The following SLC26A7 variants were observed in gnomAD, a reference collection of about 807,000 sequenced individuals.
The protein encoded by SLC26A7 is anion exchange transporter.
A neutral mutation model predicts 82.5 loss-of-function variants in SLC26A7; 59 were observed. That is an observed-to-expected ratio of 0.72 (90% CI 0.58 to 0.89). The LOEUF (loss-of-function observed/expected upper bound fraction) is 0.89. Ranked by LOEUF, SLC26A7 falls within the 40% of genes least tolerant of loss-of-function variation. The pLI is 0.00. For missense variants in SLC26A7, 820 were observed against 793.0 expected (o/e 1.03, Z -0.41); for synonymous variants, 271 against 274.3 (o/e 0.99, Z 0.12).
At chr8:91,308,964 A>G (rs1029007918) in intron 4 of SLC26A7, among the ~76,000 whole-genome samples, 1 of 152,012 alleles carries the variant, frequency 6.6e-6, no homozygotes, top group Non-Finnish European at 1.5e-5. Context: ...AGAATCAGCC[A>G]TTTCTCTAAG....
chr8:91,380,471 A>G (rs1455987865), intron 15 of SLC26A7, among the ~76,000 whole-genome samples: 1 of 152,154 alleles, frequency 6.6e-6, no homozygotes, highest in Non-Finnish European at 1.5e-5. Context: ...GATGTGGACA[A>G]TCATCTCCGG....
At chr8:91,316,490 T>A (rs1184952469) in intron 4 of SLC26A7, among the ~76,000 whole-genome samples, 9 of 84,298 alleles carry the variant, frequency 1.1e-4, no homozygotes, top group Admixed American at 4.9e-4. Context: ...TTTTTTTTTT[T>A]AGGAGACATG....
chr8:91,224,838 G>A (rs914821156), intron 2 of SLC26A7, among the ~76,000 whole-genome samples: 1 of 152,336 alleles, frequency 6.6e-6, no homozygotes, highest in East Asian at 1.9e-4. Context: ...CTCCCGAGGA[G>A]CTCAGGCCCA....
chr8:91,253,152 T>G (rs1180268831), intron 2 of SLC26A7, among the ~76,000 whole-genome samples: 1 of 152,080 alleles, frequency 6.6e-6, no homozygotes, highest in Non-Finnish European at 1.5e-5. Context: ...AAAACTGAAG[T>G]TGGGAGAGGA....
At chr8:91,344,151 T>C (rs1193694209) in intron 9 of SLC26A7, 2 of 985,296 alleles carry the variant, frequency 2.0e-6, no homozygotes, top group African/African-American at 3.5e-5. Flanking sequence ...TAAATGAACT[T>C]GTTTAATCCT....
intron 7 of SLC26A7, among the ~76,000 whole-genome samples, chr8:91,340,136 G>A (rs1318725924): frequency 6.6e-6 from 1 of 152,168 alleles, no homozygotes; most frequent in Non-Finnish European, 1.5e-5. Flanking sequence ...TGTCGAGTCA[G>A]AGTTTCTGTG....
At chr8:91,317,460 T>C (rs956507071) in intron 4 of SLC26A7, among the ~76,000 whole-genome samples, 7 of 152,348 alleles carry the variant, frequency 4.6e-5, no homozygotes, top group Non-Finnish European at 8.8e-5. Context: ...TTAATAATTA[T>C]GCCTAGTGTT....
chr8:91,340,422 T>TC lies in SLC26A7; in HGVS notation c.902dup (p.Met302AspfsTer10). On this transcript the variant is annotated frameshift_variant, in exon 8 of 19. Transcript: ENST00000276609. LOFTEE classifies it high-confidence loss of function. ...TCCACAGAATTCCCTCACCTAGAGC[T>TC]CCCCCGATGAACATCCTCTCTGCGG... The TC allele has an allele frequency of 2.5e-6, 4 of 1,613,848 alleles. No individual in the cohort carries two copies. Among genetic ancestry groups the TC allele is most frequent in the Non-Finnish European group, 3.4e-6 (4 of 1,179,840 alleles).
chr8:91,310,656 C>A (rs1043460987), intron 4 of SLC26A7, among the ~76,000 whole-genome samples: 1 of 152,082 alleles, frequency 6.6e-6, no homozygotes, highest in Non-Finnish European at 1.5e-5. Flanking sequence ...TGGTATATGA[C>A]CTTCCAGGAA....
At chr8:91,372,169 C>T (rs1391311623) in intron 15 of SLC26A7, among the ~76,000 whole-genome samples, 1 of 151,880 alleles carries the variant, frequency 6.6e-6, no homozygotes, top group African/African-American at 2.4e-5. Flanking sequence ...CATATCTTTT[C>T]CCATTCTCTA....
chr8:91,216,796 A>C (rs1374640787), intron 1 of SLC26A7, among the ~76,000 whole-genome samples: 7 of 152,140 alleles, frequency 4.6e-5, no homozygotes, highest in Non-Finnish European at 8.8e-5. Context: ...AATACTTATG[A>C]AATCTTTTTA....
intron 15 of SLC26A7, among the ~76,000 whole-genome samples, chr8:91,382,432 T>C (rs946085259): frequency 1.3e-5 from 2 of 152,218 alleles, no homozygotes; most frequent in Non-Finnish European, 2.9e-5. Context: ...TGGATTCTCA[T>C]AACTAGAACT....
chr8:91,393,790 C>T lies in SLC26A7; in HGVS notation c.1777-7C>T, dbSNP rs775296404. On this transcript the variant is annotated splice_region_variant and splice_polypyrimidine_tract_variant and intron_variant, in intron 16 of 18. Transcript: ENST00000276609. ...TAATTGTGGGTATCCTATTTTAATTCTTCCAGGTTTACATGGACTGTAAAG... is the reference window on the plus strand; with the variant it reads ...TAATTGTGGGTATCCTATTTTAATTTTTCCAGGTTTACATGGACTGTAAAG... The T allele has an allele frequency of 6.2e-7, 1 of 1,613,154 alleles. No individual in the cohort carries two copies. The highest frequency in any genetic ancestry group is 8.5e-7 in the Non-Finnish European group (1 of 1,179,300).
At position 91,379,938 on chromosome 8, in the gene SLC26A7, A is replaced by G. The variant is rs116157241; in HGVS notation, c.1676-9400A>G. Among the ~76,000 whole-genome samples the G allele has an allele frequency of 4.6e-3, 707 of 152,176 alleles. 7 individuals carry two copies. Among genetic ancestry groups the G allele is most frequent in the African/African-American group, 0.016 (673 of 41,556 alleles). Reference sequence around the variant, plus strand: ...GCTTTCTACTACAAATCAACGAGTAAAAAAAGGCAAACAACTCAGTAGAAA... The same window carrying G: ...GCTTTCTACTACAAATCAACGAGTAGAAAAAGGCAAACAACTCAGTAGAAA... On this transcript the variant is annotated intron_variant, in intron 15 of 18. Transcript: ENST00000276609.
At chr8:91,212,625 G>T in intron 1 of SLC26A7, among the ~76,000 whole-genome samples, 1 of 152,140 alleles carries the variant, frequency 6.6e-6, no homozygotes, top group South Asian at 2.1e-4. Flanking sequence ...TTACTTTGTA[G>T]TAAAAAGTTA....
rs796150403 is a variant in SLC26A7 at position 91,389,237 on chromosome 8, T to C, written c.1676-101T>C. 31 of 741,520 alleles carry C rather than the reference T, an allele frequency of 4.2e-5. No individual in the cohort carries two copies. In the African/African-American group the frequency reaches 4.6e-4, roughly 11 times the overall value. 45.9% of individuals were successfully genotyped at this position (741,520 alleles called of 1,614,324 possible). On this transcript the variant is annotated intron_variant, in intron 15 of 18. Coordinates refer to ENST00000276609, the MANE Select transcript of SLC26A7 (RefSeq NM_052832.4). ...AATTAAAAGTGTTTAGAATTACTGT[T>C]GTTAAACATGAGGCCACTGTTACCC... is the stretch of plus-strand genomic sequence containing the variant.
chr8:91,340,029 A>G (rs1586429300), intron 7 of SLC26A7, among the ~76,000 whole-genome samples: 1 of 152,184 alleles, frequency 6.6e-6, no homozygotes, highest in East Asian at 1.9e-4. Flanking sequence ...TATTCAAAGG[A>G]GGAAATGTAG....
At chr8:91,239,890 A>G (rs1019706516) in intron 2 of SLC26A7, among the ~76,000 whole-genome samples, 2 of 152,226 alleles carry the variant, frequency 1.3e-5, no homozygotes, top group Non-Finnish European at 2.9e-5. Flanking sequence ...CATACATGGT[A>G]TTATTCCTTT....
intron 15 of SLC26A7, among the ~76,000 whole-genome samples, chr8:91,386,173 C>T (rs1814794787): frequency 6.6e-6 from 1 of 152,088 alleles, no homozygotes; most frequent in Non-Finnish European, 1.5e-5. Context: ...GAGCATCTTC[C>T]AGGAAAAGCA....
Sources: allele counts gnomAD v4.1 joint callset (sites outside exome capture counted in the v4.1 genomes callset), GRCh38; gene constraint gnomAD v4.1.1; transcripts MANE v1.5; gene names NCBI Gene and HGNC (gene_info 2026-07-23, HGNC 2026-07-21).